The following C19orf47 variants were observed in gnomAD, a reference collection of about 807,000 sequenced individuals.
C19orf47 encodes the protein uncharacterized protein C19orf47.
In C19orf47, 18 loss-of-function variants were observed where a neutral mutation model predicts 32.3. That is an observed-to-expected ratio of 0.56 (90% confidence interval 0.39 to 0.83). C19orf47 has a LOEUF of 0.83. Among genes scored for constraint, C19orf47 ranks in the 40% least tolerant of loss-of-function variants. The pLI is 0.00. For synonymous variants in C19orf47, 202 were observed against 211.1 expected (o/e 0.96, Z 0.37); for missense variants, 484 against 531.6 (o/e 0.91, Z 0.88).
rs1464451126 is a variant in C19orf47 at position 40,336,182 on chromosome 19, C to A, written c.150G>T (p.Met50Ile). Reference sequence around the variant, plus strand: ...CCACCACGGTCACGCCCAGCTCATTCATTATCTCCTTATTGAGATCCAGCA... The same window carrying A: ...CCACCACGGTCACGCCCAGCTCATTAATTATCTCCTTATTGAGATCCAGCA... ...SMLLDLNKEIMNELGVTVVGD... is the reference protein window; with the variant it reads ...SMLLDLNKEIINELGVTVVGD... The change falls in exon 4 of 9, where the codon ATG becomes ATT. Residue 50 changes from methionine (M) to isoleucine (I), a missense_variant. Coordinates refer to ENST00000683109, the MANE Select transcript of C19orf47 (RefSeq NM_001256441.2). 3.1e-6 allele frequency: 5 copies of A among 1,614,120 alleles called. No homozygotes were observed. The highest frequency in any genetic ancestry group is 4.2e-6 in the Non-Finnish European group (5 of 1,180,050).
At chr19:40,339,990 A>C (rs185712577) in intron 2 of C19orf47, among the ~76,000 whole-genome samples, 12 of 151,952 alleles carry the variant, frequency 7.9e-5, no homozygotes, top group African/African-American at 2.7e-4. Flanking sequence ...CAAAAAAAAA[A>C]AAAAACAAAA....
At chr19:40,302,241 G>C in the C19orf47 span, among the ~76,000 whole-genome samples, 1 of 152,086 alleles carries the variant, frequency 6.6e-6, no homozygotes, top group Admixed American at 6.6e-5. Context: ...AGTTTAATAA[G>C]AGACCAACCT....
At position 40,321,253 on chromosome 19, in the gene C19orf47, C is replaced by A. The variant is rs2077711828; in HGVS notation, c.*629G>T. On this transcript the variant is annotated 3_prime_UTR_variant, in exon 9 of 9. Transcript: ENST00000683109. ...CCTCCAGCCTGGGAGTAGAGGGCGG[C>A]TAACAGTCTCAACAGGCTCGACGCC... 1.0e-6 allele frequency: 1 copy of A among 986,936 alleles called. No individual in the cohort carries two copies. Among genetic ancestry groups the A allele is most frequent in the Non-Finnish European group, 1.2e-6 (1 of 830,154 alleles). The allele number at this position is 986,936 out of a possible 1,614,324, so 61.1% of individuals were successfully genotyped here.
chr19:40,339,866 T>A (rs905744807), intron 2 of C19orf47, among the ~76,000 whole-genome samples: 1 of 150,820 alleles, frequency 6.6e-6, no homozygotes, highest in African/African-American at 2.4e-5. Context: ...AGCTACTCAA[T>A]CTGGAGGCTG....
In C19orf47 at chr19:40,348,195, CTG is replaced by C. The variant is rs1568635564; in HGVS notation, c.-34+127_-34+128del. ...AACCCCCATTCCACAGGGGAGGAAA[CTG>C]AGGCTCAAAGAAACAAATCGTAAGT... On this transcript the variant is annotated intron_variant, in intron 1 of 8. Coordinates refer to ENST00000683109, the MANE Select transcript of C19orf47 (RefSeq NM_001256441.2). 3 of 570,408 alleles carry C rather than the reference CTG, an allele frequency of 5.3e-6. No individual in the cohort carries two copies. In the African/African-American group the frequency reaches 5.9e-5, roughly 11 times the overall value. The allele number at this position is 570,408 out of a possible 1,614,324, so 35.3% of individuals were successfully genotyped here.
intron 7 of C19orf47, among the ~76,000 whole-genome samples, chr19:40,325,649 A>G (rs1435434445): frequency 6.6e-6 from 1 of 152,160 alleles, no homozygotes; most frequent in Non-Finnish European, 1.5e-5. Flanking sequence ...AATTAAAACT[A>G]AAAAACAAAA....
Position 40,321,528 on chromosome 19 carries a change from G to A in C19orf47, c.*354C>T, listed in dbSNP as rs2077717574. Reference sequence around the variant, plus strand: ...GGGGGACAGGGAGGCTGATGAGCTGGGGTCTGAGGCAGCAGACCCTGCTCA... The same window carrying A: ...GGGGGACAGGGAGGCTGATGAGCTGAGGTCTGAGGCAGCAGACCCTGCTCA... On this transcript the variant is annotated 3_prime_UTR_variant, in exon 9 of 9. Coordinates refer to ENST00000683109, the MANE Select transcript of C19orf47 (RefSeq NM_001256441.2). 9.5e-7 allele frequency: 1 copy of A among 1,054,242 alleles called. No homozygotes were observed. The highest frequency in any genetic ancestry group is 3.7e-5 in the South Asian group (1 of 26,754). The allele number at this position is 1,054,242 out of a possible 1,614,324, so 65.3% of individuals were successfully genotyped here.
intron 1 of C19orf47, among the ~76,000 whole-genome samples, chr19:40,344,585 T>C (rs1431345053): frequency 2.0e-5 from 3 of 152,106 alleles, no homozygotes; most frequent in African/African-American, 4.8e-5. Context: ...AAGCACTAAC[T>C]ATGCATCAGG....
At chr19:40,346,316 A>C (rs898118969) in intron 1 of C19orf47, among the ~76,000 whole-genome samples, 30 of 148,538 alleles carry the variant, frequency 2.0e-4, no homozygotes, top group African/African-American at 6.7e-4. Flanking sequence ...GGTGGTGGGC[A>C]CCTGTAATCC....
chr19:40,338,330 T>C (rs1030665745), intron 2 of C19orf47, among the ~76,000 whole-genome samples: 2 of 147,018 alleles, frequency 1.4e-5, no homozygotes, highest in Non-Finnish European at 3.0e-5. Context: ...CAAATATATA[T>C]ATACACAAAT....
the C19orf47 span, among the ~76,000 whole-genome samples, chr19:40,302,800 C>T: frequency 1.3e-5 from 2 of 152,182 alleles, no homozygotes. Context: ...ACTAACATTT[C>T]CAGTCTTTCT....
At chr19:40,338,374 T>C (rs12459514) in intron 2 of C19orf47, among the ~76,000 whole-genome samples, 1 of 150,308 alleles carries the variant, frequency 6.7e-6, no homozygotes, top group Non-Finnish European at 1.5e-5. Flanking sequence ...AATACATATA[T>C]ATATATACAC....
chr19:40,323,764 T>C (rs1171148244), intron 8 of C19orf47, among the ~76,000 whole-genome samples: 1 of 151,796 alleles, frequency 6.6e-6, no homozygotes, highest in Non-Finnish European at 1.5e-5. Context: ...CTAAGACCAG[T>C]TGGGGACATG....
chr19:40,297,666 C>T, the C19orf47 span, among the ~76,000 whole-genome samples: 385 of 141,204 alleles, frequency 2.7e-3, no homozygotes, highest in Non-Finnish European at 4.3e-3. Flanking sequence ...CACCACTGCA[C>T]TCCAGCCTGG....
In C19orf47 at chr19:40,321,077, A is replaced by C. The variant is rs1020924638; in HGVS notation, c.*805T>G. The C allele has an allele frequency of 8.0e-6, 2 of 250,044 alleles. No homozygotes were observed. Among genetic ancestry groups the C allele is most frequent in the African/African-American group, 4.6e-5 (2 of 43,196 alleles). The allele number at this position is 250,044 out of a possible 1,614,324, so 15.5% of individuals were successfully genotyped here. ...GGGGGAAATGATTTGAAAGTCACAA[A>C]AATATATTAAAACAGCAGCTGTCTT... On this transcript the variant is annotated 3_prime_UTR_variant, in exon 9 of 9. Coordinates refer to ENST00000683109, the MANE Select transcript of C19orf47 (RefSeq NM_001256441.2).
chr19:40,306,706 T>C, the C19orf47 span, among the ~76,000 whole-genome samples: 401 of 152,168 alleles, frequency 2.6e-3, no homozygotes, highest in Non-Finnish European at 4.4e-3. Flanking sequence ...TCAGGCTTCT[T>C]GTTACTTTTC....
Position 40,321,885 on chromosome 19 carries a change from G to C in C19orf47, c.1155C>G (p.Phe385Leu). The part of the protein sequence containing the change: ...SVFKRLGRRT[F>L] ...CTGCACCCCGCCCACAGGTGGGCTA[G>C]AAGGTCCTGCGGCCCAGTCTTTTGA... The change falls in exon 9 of 9, where the codon TTC becomes TTG. Residue 385 changes from phenylalanine (F) to leucine (L), a missense_variant. Transcript: ENST00000683109. 6.9e-6 allele frequency: 11 copies of C among 1,585,554 alleles called. No individual in the cohort carries two copies. Among genetic ancestry groups the C allele is most frequent in the Non-Finnish European group, 9.4e-6 (11 of 1,165,890 alleles).
chr19:40,315,543 G>C (rs1314177816), downstream of C19orf47, among the ~76,000 whole-genome samples: 1 of 152,170 alleles, frequency 6.6e-6, no homozygotes, highest in African/African-American at 2.4e-5. Context: ...CACTTTGGGA[G>C]GCCGAAGTGA....
At chr19:40,326,802 G>A (rs1268582730) in intron 6 of C19orf47, among the ~76,000 whole-genome samples, 1 of 152,162 alleles carries the variant, frequency 6.6e-6, no homozygotes, top group Non-Finnish European at 1.5e-5. Flanking sequence ...GTGGTGGAAA[G>A]GTTCTAGAGC....
Sources: allele counts gnomAD v4.1 joint callset (sites outside exome capture counted in the v4.1 genomes callset), GRCh38; gene constraint gnomAD v4.1.1; transcripts MANE v1.5; gene names NCBI Gene and HGNC (gene_info 2026-07-23, HGNC 2026-07-21).